The following CDH9 variants were observed in gnomAD, a reference collection of about 807,000 sequenced individuals.
The protein encoded by CDH9 is cadherin-9.
CDH9 carries 28 observed loss-of-function variants against 70.9 expected under a neutral mutation model. That is an observed-to-expected ratio of 0.40 (90% CI 0.29 to 0.54). The LOEUF is 0.54. Among genes scored for constraint, CDH9 ranks in the 20% least tolerant of loss-of-function variants. The probability of loss-of-function intolerance (pLI) is 0.59; values close to 1 mark genes in which losing one functional copy is unlikely to be tolerated. For synonymous variants in CDH9, 409 were observed against 343.1 expected (o/e 1.19, Z -2.12); for missense variants, 874 against 984.4 (o/e 0.89, Z 1.50).
chr5:26,934,478 TA>T (rs577156583), intron 2 of CDH9, among the ~76,000 whole-genome samples: 235 of 152,000 alleles, frequency 1.5e-3, no homozygotes, highest in African/African-American at 4.0e-3. Context: ...AACAAAAAAA[TA>T]GTAAGAACTC....
chr5:26,916,022 C>A (rs1276474940), intron 2 of CDH9, 98 bp from the exon 3 acceptor site: 3 of 714,494 alleles, frequency 4.2e-6, no homozygotes, highest in Non-Finnish European at 6.9e-6. Context: ...TATAACAGCT[C>A]TGCAATAATT....
Position 26,980,421 on chromosome 5 carries a change from C to T in CDH9, c.228+7685G>A, listed in dbSNP as rs991888605. On this transcript the variant is annotated intron_variant, in intron 2 of 11. Coordinates refer to ENST00000231021, the MANE Select transcript of CDH9 (RefSeq NM_016279.4). ...GAGTAAATTTTACTAAGTGTATACTCAATTGTCTATCTAAAGTGACCCCAA... is the reference window on the plus strand; with the variant it reads ...GAGTAAATTTTACTAAGTGTATACTTAATTGTCTATCTAAAGTGACCCCAA... Among the ~76,000 whole-genome samples the T allele has an allele frequency of 2.0e-5, 3 of 151,814 alleles. No homozygotes were observed. The East Asian group carries it at 5.8e-4, about 29-fold the overall frequency.
At chr5:27,011,045 C>T (rs1394179314) in intron 1 of CDH9, among the ~76,000 whole-genome samples, 6 of 152,140 alleles carry the variant, frequency 3.9e-5, no homozygotes, top group Middle Eastern at 3.4e-3. Context: ...GACACATTCA[C>T]TTGCATTCAC....
chr5:26,952,407 G>A (rs1269907431), intron 2 of CDH9, among the ~76,000 whole-genome samples: 3 of 126,554 alleles, frequency 2.4e-5, no homozygotes, highest in Non-Finnish European at 4.8e-5. Context: ...GAGGTCAGGA[G>A]ATCGAGACCA....
chr5:26,937,454 A>G (rs571132600), intron 2 of CDH9, among the ~76,000 whole-genome samples: 145 of 152,248 alleles, frequency 9.5e-4, no homozygotes, highest in African/African-American at 3.4e-3. Context: ...TTTGGTGGAC[A>G]GTTTGTGAGT....
intron 1 of CDH9, among the ~76,000 whole-genome samples, chr5:27,001,395 T>C (rs1488441825): frequency 1.3e-5 from 2 of 152,134 alleles, no homozygotes; most frequent in Non-Finnish European, 2.9e-5. Context: ...ATTTGTATAC[T>C]GGAACTGAAC....
intron 1 of CDH9, among the ~76,000 whole-genome samples, chr5:26,998,342 A>G (rs556875051): frequency 6.6e-5 from 10 of 152,304 alleles, no homozygotes; most frequent in East Asian, 3.9e-4. Flanking sequence ...ATGTCCATCA[A>G]TGATAGACTG....
At chr5:26,931,958 G>A (rs1422320424) in intron 2 of CDH9, among the ~76,000 whole-genome samples, 1 of 152,146 alleles carries the variant, frequency 6.6e-6, no homozygotes, top group Non-Finnish European at 1.5e-5. Flanking sequence ...TCACATCTAT[G>A]TTCAGTGAAT....
intron 1 of CDH9, among the ~76,000 whole-genome samples, chr5:27,007,543 C>T (rs1742886875): frequency 6.6e-6 from 1 of 151,898 alleles, no homozygotes; most frequent in Non-Finnish European, 1.5e-5. Context: ...AACTTTTCTC[C>T]TTCAATGAAA....
chr5:26,959,794 A>G (rs1274283052), intron 2 of CDH9, among the ~76,000 whole-genome samples: 1 of 152,088 alleles, frequency 6.6e-6, no homozygotes, highest in Non-Finnish European at 1.5e-5. Flanking sequence ...CATATAAAAT[A>G]AATACAAAAT....
At chr5:26,965,549 G>A (rs943962395) in intron 2 of CDH9, among the ~76,000 whole-genome samples, 7 of 150,412 alleles carry the variant, frequency 4.7e-5, no homozygotes, top group African/African-American at 9.8e-5. Flanking sequence ...GGAATCCAGC[G>A]TGCATGACAG....
chr5:26,884,581 G>A (rs1412777217), intron 11 of CDH9, among the ~76,000 whole-genome samples: 1 of 152,126 alleles, frequency 6.6e-6, no homozygotes, highest in African/African-American at 2.4e-5. Flanking sequence ...CTGAGAAAAT[G>A]TTTTTCAAAA....
At chr5:26,945,449 A>G (rs1244805575) in intron 2 of CDH9, among the ~76,000 whole-genome samples, 1 of 152,148 alleles carries the variant, frequency 6.6e-6, no homozygotes, top group Non-Finnish European at 1.5e-5. Context: ...CTTTATTGAT[A>G]TACATCTGGC....
chr5:26,956,021 G>C (rs1741940512), intron 2 of CDH9, among the ~76,000 whole-genome samples: 1 of 152,166 alleles, frequency 6.6e-6, no homozygotes, highest in Admixed American at 6.5e-5. Flanking sequence ...TAAGACAGGA[G>C]AACTGTAAGA....
At chr5:27,004,201 T>C (rs1231227970) in intron 1 of CDH9, among the ~76,000 whole-genome samples, 2 of 150,358 alleles carry the variant, frequency 1.3e-5, no homozygotes, top group Non-Finnish European at 3.0e-5. Context: ...CATGATGATA[T>C]CAATGGGAAC....
At chr5:26,895,250 T>C (rs1374890548) in intron 7 of CDH9, among the ~76,000 whole-genome samples, 2 of 152,064 alleles carry the variant, frequency 1.3e-5, no homozygotes, top group East Asian at 1.9e-4. Context: ...CAAAAATGAA[T>C]ATTGAGTATT....
chr5:26,935,692 A>G (rs1741546257), intron 2 of CDH9, among the ~76,000 whole-genome samples: 1 of 152,180 alleles, frequency 6.6e-6, no homozygotes, highest in Admixed American at 6.5e-5. Context: ...GGAAAACAGT[A>G]TGAAGATCCC....
chr5:26,926,381 CA>C (rs1741339708), intron 2 of CDH9, among the ~76,000 whole-genome samples: 1 of 152,078 alleles, frequency 6.6e-6, no homozygotes, highest in Non-Finnish European at 1.5e-5. Flanking sequence ...ATCCAACCTA[CA>C]AGGGATTTGA....
At chr5:26,958,183 G>A (rs1741976992) in intron 2 of CDH9, among the ~76,000 whole-genome samples, 1 of 152,112 alleles carries the variant, frequency 6.6e-6, no homozygotes, top group Non-Finnish European at 1.5e-5. Context: ...AATCTCTGAG[G>A]TGAGCAGCAG....
Sources: gnomAD v4.1 joint callset for allele counts (sites outside exome capture counted in the v4.1 genomes callset) on GRCh38, gnomAD v4.1.1 for gene constraint, MANE v1.5 for transcripts, NCBI Gene and HGNC (gene_info 2026-07-23, HGNC 2026-07-21) for gene names.